ADARB2: variants seen among roughly 807,000 people sequenced by gnomAD.
ADARB2 encodes adenosine deaminase RNA specific B2 (inactive).
ADARB2 carries 25 observed loss-of-function variants against 62.2 expected under a neutral mutation model. The ratio of observed to expected loss-of-function variants is 0.40; its 90% CI spans 0.29 to 0.56. The LOEUF (loss-of-function observed/expected upper bound fraction) is 0.56, where lower values mean the gene tolerates loss of function less well. Among genes scored for constraint, ADARB2 ranks in the 20% least tolerant of loss-of-function variants. The pLI is 0.43. For synonymous variants in ADARB2, 572 were observed against 500.8 expected, an observed-to-expected ratio of 1.14 and a Z score of -1.90; for missense variants, 1,071 against 1,077.4, an observed-to-expected ratio of 0.99 and a Z score of 0.08.
At chr10:1,468,620 C>A (rs1054940424) in intron 1 of ADARB2, among the ~76,000 whole-genome samples, 3 of 152,178 alleles carry the variant, frequency 2.0e-5, no homozygotes, top group Non-Finnish European at 2.9e-5. Context: ...TCTAGGTCTG[C>A]CAAAGTCTGG....
intron 3 of ADARB2, among the ~76,000 whole-genome samples, chr10:1,322,198 T>A (rs1275087294): frequency 3.3e-5 from 5 of 152,022 alleles, no homozygotes; most frequent in Non-Finnish European, 7.4e-5. Context: ...TGGATATAAT[T>A]TCGGATGGGC....
intron 1 of ADARB2, among the ~76,000 whole-genome samples, chr10:1,673,941 G>A (rs1361877287): frequency 6.6e-6 from 1 of 152,198 alleles, no homozygotes; most frequent in Non-Finnish European, 1.5e-5. Context: ...ATTAAAGAAA[G>A]GTTATTGGGC....
chr10:1,525,601 T>C (rs1291415610), intron 1 of ADARB2, among the ~76,000 whole-genome samples: 5 of 152,132 alleles, frequency 3.3e-5, no homozygotes, highest in Admixed American at 2.6e-4. Context: ...TGCATCTGTG[T>C]CCTGTTACCT....
rs201957828 is a variant in ADARB2 at position 1,363,538 on chromosome 10, G to C, written c.567C>G (p.Phe189Leu). The change falls in exon 3 of 10, where the codon TTC (phenylalanine) becomes TTG (leucine). Residue 189 changes from phenylalanine to leucine, a missense_variant. Phe to Leu is a conservative substitution (Grantham distance 22). Transcript: ENST00000381312. The stretch of plus-strand genomic sequence containing the variant: ...CCTGGCAGGCGTTGGGGAACTGCAC[G>C]AAGGACCTGAGTGCCAGCTCCGCCG... ...MRAAELALRS[F>L]VQFPNACQAH... The C allele has an allele frequency of 3.8e-6, 6 of 1,559,074 alleles. No homozygotes were observed. The highest frequency in any genetic ancestry group is 5.2e-6 in the Non-Finnish European group (6 of 1,155,060).
At chr10:1,644,512 G>A (rs1303541833) in intron 1 of ADARB2, among the ~76,000 whole-genome samples, 2 of 152,246 alleles carry the variant, frequency 1.3e-5, no homozygotes, top group African/African-American at 4.8e-5. Context: ...CTTTAAAAAA[G>A]CAAAACGTGC....
At chr10:1,717,182 T>TTCTTTC (rs1835030585) in intron 1 of ADARB2, among the ~76,000 whole-genome samples, 2 of 145,334 alleles carry the variant, frequency 1.4e-5, no homozygotes, top group African/African-American at 5.4e-5. Context: ...TTTTTGCTTT[T>TTCTTTC]TGTTTTTAAA....
chr10:1,199,218 C>A (rs927598298), intron 8 of ADARB2, among the ~76,000 whole-genome samples: 1 of 152,036 alleles, frequency 6.6e-6, no homozygotes, highest in African/African-American at 2.4e-5. Context: ...AAACCCACCC[C>A]CCCGCTTCCC....
intron 1 of ADARB2, among the ~76,000 whole-genome samples, chr10:1,537,856 A>G (rs1368651346): frequency 6.6e-6 from 1 of 152,202 alleles, no homozygotes; most frequent in Non-Finnish European, 1.5e-5. Flanking sequence ...ACAAATACCT[A>G]ATGCATGCCG....
chr10:1,687,832 T>G (rs1354407242), intron 1 of ADARB2, among the ~76,000 whole-genome samples: 2 of 152,104 alleles, frequency 1.3e-5, no homozygotes, highest in Non-Finnish European at 2.9e-5. Context: ...CCACCCACCA[T>G]GTGCCTCCAC....
chr10:1,474,069 C>T (rs1490591103), intron 1 of ADARB2, among the ~76,000 whole-genome samples: 4 of 152,284 alleles, frequency 2.6e-5, no homozygotes, highest in Non-Finnish European at 5.9e-5. Flanking sequence ...TGCTGAGCCC[C>T]CATCCCACTG....
intron 3 of ADARB2, chr10:1,293,006 GA>G (rs1438861704): frequency 8.9e-5 from 5 of 56,180 alleles, no homozygotes; most frequent in African/African-American, 2.7e-4. Context: ...GGGAGGGAAG[GA>G]GAGAGGGAGG....
chr10:1,589,640 C>T (rs1833225894), intron 1 of ADARB2, among the ~76,000 whole-genome samples: 2 of 152,224 alleles, frequency 1.3e-5, no homozygotes, highest in African/African-American at 4.8e-5. Context: ...TCCTCGGCTG[C>T]TTGTCCCCCA....
intron 1 of ADARB2, among the ~76,000 whole-genome samples, chr10:1,607,782 G>A (rs556106475): frequency 6.4e-4 from 98 of 152,314 alleles, no homozygotes; most frequent in African/African-American, 2.3e-3. Flanking sequence ...GACCTGCCTG[G>A]GGCTCCAGCC....
At chr10:1,425,235 T>C (rs556442436) in intron 1 of ADARB2, among the ~76,000 whole-genome samples, 1 of 152,188 alleles carries the variant, frequency 6.6e-6, no homozygotes, top group Non-Finnish European at 1.5e-5. Context: ...GCTACTGCAT[T>C]TGATTTCCTG....
At chr10:1,459,325 C>G (rs1831137640) in intron 1 of ADARB2, among the ~76,000 whole-genome samples, 1 of 152,200 alleles carries the variant, frequency 6.6e-6, no homozygotes, top group South Asian at 2.1e-4. Context: ...ACATATACAC[C>G]ATGGCGTACT....
chr10:1,363,488 G>C lies in ADARB2; in HGVS notation c.617C>G (p.Pro206Arg). The C allele has an allele frequency of 6.6e-7, 1 of 1,505,108 alleles. No individual in the cohort carries two copies. Among genetic ancestry groups the C allele is most frequent in the South Asian group, 1.3e-5 (1 of 75,172 alleles). 93.2% of individuals were successfully genotyped at this position (1,505,108 alleles called of 1,614,324 possible). Residue 206 changes from proline (P) to arginine (R), a missense_variant, in exon 3 of 10, where the codon CCG becomes CGG. Transcript: ENST00000381312. ...GGAGGTGAAGTCCGTGCCGGGGCCC[G>C]GGCCCCCGCCCATGGCCAGGTGCGC... Reference protein sequence around the residue: ...CQAHLAMGGGPGPGTDFTSDQ... With the variant: ...CQAHLAMGGGRGPGTDFTSDQ...
At position 1,179,537 on chromosome 10, in the gene ADARB2, C is replaced by T. The variant is rs1433113302; in HGVS notation, c.*3656G>A. 6.6e-6 allele frequency: 1 copy of T among 152,256 alleles called. No individual in the cohort carries two copies. The highest frequency in any genetic ancestry group is 1.5e-5 in the Non-Finnish European group (1 of 68,044). The allele number at this position is 152,256 out of a possible 1,614,324, so 9.4% of individuals were successfully genotyped here. A position where few individuals can be genotyped will look rare whatever the true frequency, so the allele number is the denominator to read the frequency against. On this transcript the variant is annotated 3_prime_UTR_variant, in exon 10 of 10. Coordinates refer to ENST00000381312, the MANE Select transcript of ADARB2 (RefSeq NM_018702.4). ...GGACAGCGGAGGCTGCCTGGCCGCG[C>T]AGCCGTTCCCTGCGCCCCGTCCTGC...
chr10:1,262,999 G>A (rs1010368223), intron 4 of ADARB2, among the ~76,000 whole-genome samples: 26 of 151,786 alleles, frequency 1.7e-4, no homozygotes, highest in African/African-American at 6.3e-4. Flanking sequence ...GATGAAACTG[G>A]AAACCATCAT....
In ADARB2 at chr10:1,363,499, C is replaced by A; in HGVS notation, c.606G>T (p.Met202Ile). Residue 202 changes from methionine (M) to isoleucine (I), a missense_variant, in exon 3 of 10, where the codon ATG (methionine) becomes ATT (isoleucine). Transcript: ENST00000381312. ...CCGTGCCGGGGCCCGGGCCCCCGCC[C>A]ATGGCCAGGTGCGCCTGGCAGGCGT... Reference protein sequence around the residue: ...FPNACQAHLAMGGGPGPGTDF... With the variant: ...FPNACQAHLAIGGGPGPGTDF... The A allele has an allele frequency of 6.6e-7, 1 of 1,524,856 alleles. No homozygotes were observed. 94.5% of individuals were successfully genotyped at this position (1,524,856 alleles called of 1,614,324 possible).
Sources: allele counts gnomAD v4.1 joint callset (sites outside exome capture counted in the v4.1 genomes callset), GRCh38; gene constraint gnomAD v4.1.1; transcripts MANE v1.5; gene names NCBI Gene and HGNC (gene_info 2026-07-23, HGNC 2026-07-21).